Variants in DUS1L observed in about 807,000 individuals in gnomAD.
DUS1L encodes dihydrouridine synthase 1 like, also known as tRNA-dihydrouridine(16/17) synthase [NAD(P)(+)]-like.
A neutral mutation model predicts 61.2 loss-of-function variants in DUS1L; 56 were observed. The ratio of observed to expected loss-of-function variants is 0.92; its 90% CI spans 0.74 to 1.14. The LOEUF (loss-of-function observed/expected upper bound fraction) is 1.14, where lower values mean the gene tolerates loss of function less well. Among genes scored for constraint, DUS1L ranks in the 50% most tolerant of loss-of-function variants. The pLI is 0.00. For synonymous variants in DUS1L, 278 were observed against 259.5 expected (o/e 1.07, Z -0.69); for missense variants, 630 against 632.4 (o/e 1.00, Z 0.04).
intron 9 of DUS1L, 24 bp from the exon 10 acceptor site, chr17:82,060,807 C>A (rs748559424): frequency 6.2e-7 from 1 of 1,611,648 alleles, no homozygotes; most frequent in South Asian, 1.1e-5. Context: ...AGGCCCTGGT[C>A]ATGGCCCCAG....
intron 10 of DUS1L, chr17:82,060,331 G>A: frequency 3.3e-6 from 2 of 609,746 alleles, no homozygotes; most frequent in East Asian, 2.8e-5. Flanking sequence ...CAGCTCCAGG[G>A]AGGGCTGTGG....
rs750313556 is a variant in DUS1L, at chr17:82,059,973, G to T, written c.1143C>A (p.His381Gln). The T allele has an allele frequency of 2.5e-6, 4 of 1,613,912 alleles. No homozygotes were observed. The highest frequency in any genetic ancestry group is 3.4e-6 in the Non-Finnish European group (4 of 1,180,008). ...NKQKKQLRNP[H>Q]KTFDPSLKPK... is the part of the protein sequence containing the mutation. ...GCTTCAGAGAGGGGTCGAAGGTCTT[G>T]TGGGGGTTCCTCAGCTGCTTCTTTT... The change falls in exon 11 of 14, where the codon CAC becomes CAA. Residue 381 changes from histidine to glutamine, a missense_variant. Coordinates refer to ENST00000306796, the MANE Select transcript of DUS1L (RefSeq NM_022156.5).
rs574590546 is a variant in DUS1L at position 82,058,220 on chromosome 17, C to T, written c.1317G>A (p.Lys439=). ...HGLLFKTKLE[K]SLAWKEAQPE... ...GCTGGGCCTCTTTCCAGGCCAGAGA[C>T]TTCTCCAATTTGGTTTTAAAAAGCA... Residue 439 remains lysine, a synonymous_variant, in exon 14 of 14, where the codon AAG becomes AAA. Transcript: ENST00000306796. 4 of 1,592,396 alleles carry T rather than the reference C, an allele frequency of 2.5e-6. No homozygotes were observed. Among genetic ancestry groups the T allele is most frequent in the African/African-American group, 1.3e-5 (1 of 74,438 alleles).
At chr17:82,059,915 T>C (rs781082570) in intron 11 of DUS1L, 33 bp downstream of exon 11, 1 of 1,612,332 alleles carries the variant, frequency 6.2e-7, no homozygotes, top group African/African-American at 1.3e-5. Context: ...ATGAAGAGGC[T>C]CTCTCGGGCC....
At position 82,057,852 on chromosome 17, in the gene DUS1L, G is replaced by A. The variant is rs184799303; in HGVS notation, c.*263C>T. 1.1e-5 allele frequency: 4 copies of A among 352,582 alleles called. No individual in the cohort carries two copies. The highest frequency in any genetic ancestry group is 6.3e-5 in the African/African-American group (3 of 47,602). 21.8% of individuals were successfully genotyped at this position (352,582 alleles called of 1,614,324 possible). On this transcript the variant is annotated 3_prime_UTR_variant, in exon 14 of 14. Coordinates refer to ENST00000306796, the MANE Select transcript of DUS1L (RefSeq NM_022156.5). Reference sequence around the variant, plus strand: ...GCTCATGCCTCCCTGGGTCTGAGAGGGCAGTGGTCACAGGCTGTGGGCTCT... The same window carrying A: ...GCTCATGCCTCCCTGGGTCTGAGAGAGCAGTGGTCACAGGCTGTGGGCTCT...
In DUS1L at chr17:82,061,316, C is replaced by T. The variant is rs200828252; in HGVS notation, c.735G>A (p.Arg245=). The T allele has an allele frequency of 1.4e-4, 229 of 1,609,288 alleles. No individual in the cohort carries two copies. In the East Asian group the frequency reaches 2.5e-3, roughly 17 times the overall value. The change falls in exon 8 of 14, where the codon CGG becomes CGA. Residue 245 remains arginine (R), a synonymous_variant. Coordinates refer to ENST00000306796, the MANE Select transcript of DUS1L (RefSeq NM_022156.5). ...NLHNPALFEG[R]SPAVWELAEE... ...CGGCCAGCTCCCACACGGCAGGGCTCCGGCCCTCGAACAGGGCGGGGTTGT... is the reference window on the plus strand; with the variant it reads ...CGGCCAGCTCCCACACGGCAGGGCTTCGGCCCTCGAACAGGGCGGGGTTGT...
At position 82,061,939 on chromosome 17, in the gene DUS1L, C is replaced by T; in HGVS notation, c.555G>A (p.Leu185=). ...HGRTKEQKGP[L]SGAASWEHIK... The stretch of plus-strand genomic sequence containing the variant: ...TATGCTCCCAGGACGCTGCACCCGA[C>T]AGGGGCCCCTTCTGCTCCTTGGTGC... The change falls in exon 6 of 14, where the codon CTG becomes CTA. Residue 185 remains leucine (L), a synonymous_variant. Transcript: ENST00000306796. The T allele has an allele frequency of 6.2e-7, 1 of 1,611,028 alleles. No individual in the cohort carries two copies. The highest frequency in any genetic ancestry group is 8.5e-7 in the Non-Finnish European group (1 of 1,178,936).
rs979507097 is a variant in DUS1L at position 82,065,751 on chromosome 17, C to T, written c.-149G>A. On this transcript the variant is annotated 5_prime_UTR_variant, in exon 1 of 14. Transcript: ENST00000306796. The stretch of plus-strand genomic sequence containing the variant: ...CCCGGGGCGCCGCGAACGCCCGCAC[C>T]GCGCCGGGGCCGCCGCCGGGCCGCA... 1.2e-4 allele frequency: 17 copies of T among 147,214 alleles called. No homozygotes were observed. The highest frequency in any genetic ancestry group is 2.0e-4 in the Non-Finnish European group (13 of 66,146). 9.1% of individuals were successfully genotyped at this position (147,214 alleles called of 1,614,324 possible).
chr17:82,064,642 A>G (rs917209990), intron 2 of DUS1L, among the ~76,000 whole-genome samples, 181 bp downstream of exon 2: 3 of 152,210 alleles, frequency 2.0e-5, no homozygotes, highest in Non-Finnish European at 4.4e-5. Context: ...CACCACAGGA[A>G]TCACTGCTGT....
chr17:82,058,362 T>C lies in DUS1L; in HGVS notation c.1261A>G (p.Lys421Glu). ...CRGCCKKRAS[K>E]ETADCPGHGL... is the part of the protein sequence containing the mutation. ...TCACCTGGGCAGTCTGCAGTCTCTT[T>C]GGAGGCTCGCTTCTTGCAGCAGCCG... Residue 421 changes from lysine (K) to glutamate (E), a missense_variant, in exon 13 of 14, where the codon AAA becomes GAA. Coordinates refer to ENST00000306796, the MANE Select transcript of DUS1L (RefSeq NM_022156.5). 6.7e-7 allele frequency: 1 copy of C among 1,493,428 alleles called. No homozygotes were observed. Among genetic ancestry groups the C allele is most frequent in the Middle Eastern group, 1.8e-4 (1 of 5,512 alleles). The allele number at this position is 1,493,428 out of a possible 1,614,324, so 92.5% of individuals were successfully genotyped here. A position where few individuals can be genotyped will look rare whatever the true frequency, so the allele number is the denominator to read the frequency against.
rs768296657 is a variant in DUS1L at position 82,061,640 on chromosome 17, A to G, written c.675T>C (p.Gly225=). The stretch of plus-strand genomic sequence containing the variant: ...CACCTGCGCTCATGACGCCCTGCAC[A>G]CCCGTGTCCCGGAGGCAGCGCTCCA... The part of the protein sequence containing the change: ...QDVERCLRDT[G]VQGVMSAEGN... Residue 225 remains glycine (G), a synonymous_variant, in exon 7 of 14, where the codon GGT becomes GGC. Transcript: ENST00000306796. The G allele has an allele frequency of 6.2e-7, 1 of 1,612,268 alleles. No homozygotes were observed. Among genetic ancestry groups the G allele is most frequent in the African/African-American group, 1.3e-5 (1 of 74,884 alleles).
At chr17:82,058,310 C>T (rs1244048353) in intron 13 of DUS1L, 31 bp downstream of exon 13, 3 of 1,526,186 alleles carry the variant, frequency 2.0e-6, no homozygotes, top group East Asian at 2.3e-5. Flanking sequence ...GTCTGTTTGC[C>T]TGCTGCGGGG....
chr17:82,059,772 G>A, intron 11 of DUS1L, 176 bp downstream of exon 11: 1 of 827,418 alleles, frequency 1.2e-6, no homozygotes, highest in Non-Finnish European at 1.9e-6. Context: ...CCTGCACAGG[G>A]TCCCCGTTCT....
chr17:82,062,021 C>T, intron 5 of DUS1L, 38 bp from the exon 6 acceptor site: 1 of 1,531,396 alleles, frequency 6.5e-7, no homozygotes. Flanking sequence ...CCTCCAAGCC[C>T]CTTCCGCCCC....
chr17:82,059,921 G>C, intron 11 of DUS1L, 27 bp downstream of exon 11: 2 of 1,613,434 alleles, frequency 1.2e-6, no homozygotes, highest in African/African-American at 1.3e-5. Flanking sequence ...AGGCTCTCTC[G>C]GGCCCATCAG....
In DUS1L at chr17:82,061,967, C is replaced by T; in HGVS notation, c.527G>A (p.Gly176Glu). 2 of 1,608,272 alleles carry T rather than the reference C, an allele frequency of 1.2e-6. No homozygotes were observed. The highest frequency in any genetic ancestry group is 1.7e-6 in the Non-Finnish European group (2 of 1,177,578). Reference sequence around the variant, plus strand: ...GGGCCCCTTCTGCTCCTTGGTGCGTCCGTGCACCGTCAGCAACTAGGACAG... The same window carrying T: ...GGGCCCCTTCTGCTCCTTGGTGCGTTCGTGCACCGTCAGCAACTAGGACAG... ...KAGCQLLTVH[G>E]RTKEQKGPLS... is the part of the protein sequence containing the mutation. Residue 176 changes from glycine (G) to glutamate (E), a missense_variant, in exon 6 of 14, where the codon GGA becomes GAA. By Grantham distance (98) the Gly-to-Glu change is moderately conservative. Transcript: ENST00000306796.
intron 5 of DUS1L, 66 bp from the exon 6 acceptor site, chr17:82,062,049 C>G: frequency 7.2e-7 from 1 of 1,395,700 alleles, no homozygotes; most frequent in Non-Finnish European, 9.6e-7. Flanking sequence ...CCCCTCCGCC[C>G]CTCCACGCCC....
chr17:82,060,747 C>T lies in DUS1L; in HGVS notation c.976G>A (p.Gly326Ser), dbSNP rs769589629. 51 of 1,612,718 alleles carry T rather than the reference C, an allele frequency of 3.2e-5. 1 individual carries two copies. The highest frequency in any genetic ancestry group is 7.7e-5 in the South Asian group (7 of 91,010). The change falls in exon 10 of 14, where the codon GGC (glycine) becomes AGC (serine). Residue 326 changes from glycine to serine, a missense_variant. Physicochemically the swap from Gly to Ser is moderately conservative, Grantham distance 56. Transcript: ENST00000306796. ...CAGATCCAGTGGAAGGGCAAGTCGC[C>T]GGTGGGCTTCGCTCCCTCCTGCCTG... Reference protein sequence around the residue: ...ISRQEGAKPTGDLPFHWICQP... With the variant: ...ISRQEGAKPTSDLPFHWICQP...
intron 11 of DUS1L, chr17:82,059,684 A>T (rs1454239790): frequency 2.0e-6 from 1 of 512,368 alleles, no homozygotes; most frequent in Non-Finnish European, 3.5e-6. Flanking sequence ...GCTGTAGACG[A>T]GCTTCACCTG....
Sources: gnomAD v4.1 joint callset for allele counts (sites outside exome capture counted in the v4.1 genomes callset) on GRCh38, gnomAD v4.1.1 for gene constraint, MANE v1.5 for transcripts, NCBI Gene and HGNC (gene_info 2026-07-23, HGNC 2026-07-21) for gene names.